The following ZNF385D variants were observed in gnomAD, a reference collection of about 807,000 sequenced individuals.
The protein encoded by ZNF385D is zinc finger protein 385D.
ZNF385D carries 15 observed loss-of-function variants against 35.8 expected under a neutral mutation model. That is an observed-to-expected ratio of 0.42 (90% CI 0.28 to 0.64). ZNF385D has a LOEUF of 0.64. ZNF385D is among the 30% of genes least tolerant of loss of function. ZNF385D has a pLI of 0.23. For missense variants in ZNF385D, 474 were observed against 494.6 expected (o/e 0.96, Z 0.39); for synonymous variants, 212 against 186.8 (o/e 1.13, Z -1.10).
chr3:21,773,033 G>T (rs1020629745), intron 3 of ZNF385D, among the ~76,000 whole-genome samples: 8 of 151,776 alleles, frequency 5.3e-5, no homozygotes, highest in African/African-American at 2.4e-5. Flanking sequence ...GTAGAATGGT[G>T]GTTGCTGGAG....
chr3:22,167,342 T>G (rs1191533228), intron 3 of ZNF385D, among the ~76,000 whole-genome samples: 1 of 152,142 alleles, frequency 6.6e-6, no homozygotes, highest in African/African-American at 2.4e-5. Flanking sequence ...ACTCTCCTAT[T>G]CTGAGCCCAT....
At chr3:21,445,336 G>C (rs1007443134) in intron 4 of ZNF385D, among the ~76,000 whole-genome samples, 5 of 152,190 alleles carry the variant, frequency 3.3e-5, no homozygotes, top group Non-Finnish European at 7.3e-5. Context: ...CTCTCCAGTG[G>C]TTACAAGACT....
At chr3:21,732,177 G>A (rs1467621458) in intron 1 of ZNF385D, among the ~76,000 whole-genome samples, 1 of 151,032 alleles carries the variant, frequency 6.6e-6, no homozygotes, top group Non-Finnish European at 1.5e-5. Context: ...AGCCTCCCGA[G>A]TAGCTGGGAT....
At chr3:21,972,245 T>C (rs1703303575) in intron 3 of ZNF385D, among the ~76,000 whole-genome samples, 1 of 151,984 alleles carries the variant, frequency 6.6e-6, no homozygotes, top group South Asian at 2.1e-4. Context: ...TTGTATCAAG[T>C]ATCTTCTTTG....
intron 3 of ZNF385D, among the ~76,000 whole-genome samples, chr3:21,871,917 A>C (rs184089867): frequency 9.1e-4 from 139 of 152,138 alleles, no homozygotes; most frequent in Non-Finnish European, 3.1e-4. Context: ...GAATCACTTG[A>C]ACCCAGGAGG....
chr3:21,698,438 C>T (rs754249746), intron 1 of ZNF385D, among the ~76,000 whole-genome samples: 1 of 151,916 alleles, frequency 6.6e-6, no homozygotes, highest in Non-Finnish European at 1.5e-5. Flanking sequence ...AGATAATAGA[C>T]CCTGGGGACT....
chr3:22,130,362 C>A (rs1357059036), intron 3 of ZNF385D, among the ~76,000 whole-genome samples: 1 of 152,132 alleles, frequency 6.6e-6, no homozygotes, highest in Non-Finnish European at 1.5e-5. Context: ...CAGCACCAGA[C>A]CTTCCCCAGG....
intron 1 of ZNF385D, among the ~76,000 whole-genome samples, chr3:21,699,675 A>G (rs2067600894): frequency 6.6e-6 from 1 of 152,010 alleles, no homozygotes; most frequent in Non-Finnish European, 1.5e-5. Flanking sequence ...TACATTGATA[A>G]TGTTGAAATA....
intron 3 of ZNF385D, among the ~76,000 whole-genome samples, chr3:21,781,283 A>G (rs2071479513): frequency 6.6e-6 from 1 of 151,758 alleles, no homozygotes; most frequent in African/African-American, 2.4e-5. Context: ...ATACATAGTC[A>G]GGAAGAGTAA....
chr3:22,200,719 C>G (rs1037713502), intron 2 of ZNF385D, among the ~76,000 whole-genome samples: 3 of 151,986 alleles, frequency 2.0e-5, no homozygotes, highest in African/African-American at 7.2e-5. Context: ...GTCTACAGGC[C>G]ATAAAAGATG....
intron 3 of ZNF385D, among the ~76,000 whole-genome samples, chr3:21,519,840 G>T (rs994733926): frequency 2.0e-5 from 3 of 152,154 alleles, no homozygotes; most frequent in Non-Finnish European, 4.4e-5. Context: ...GGCTCCATGT[G>T]TGACACACAC....
At chr3:21,827,649 T>G (rs1694727509) in intron 3 of ZNF385D, among the ~76,000 whole-genome samples, 1 of 152,204 alleles carries the variant, frequency 6.6e-6, no homozygotes, top group Non-Finnish European at 1.5e-5. Context: ...CATCTTACAT[T>G]AATATATTGG....
intron 3 of ZNF385D, among the ~76,000 whole-genome samples, chr3:21,782,688 T>G (rs189052769): frequency 8.1e-4 from 123 of 152,274 alleles, no homozygotes; most frequent in Admixed American, 1.6e-3. Flanking sequence ...TTTCTTAGGA[T>G]TATTTGGAGA....
intron 3 of ZNF385D, among the ~76,000 whole-genome samples, chr3:22,019,232 C>T (rs1158012652): frequency 2.6e-5 from 4 of 151,440 alleles, no homozygotes; most frequent in Non-Finnish European, 5.9e-5. Context: ...CAGAGAAAGG[C>T]ATTCTCACCT....
At chr3:21,658,834 T>A (rs1425520399) in intron 2 of ZNF385D, among the ~76,000 whole-genome samples, 2 of 152,088 alleles carry the variant, frequency 1.3e-5, no homozygotes, top group Admixed American at 6.6e-5. Flanking sequence ...ATTATAGTTC[T>A]TTATAGAATG....
intron 3 of ZNF385D, among the ~76,000 whole-genome samples, chr3:22,015,750 C>A (rs566613816): frequency 2.6e-5 from 4 of 152,090 alleles, no homozygotes; most frequent in African/African-American, 9.7e-5. Flanking sequence ...AGCATTACCT[C>A]TTCTAATTGC....
At chr3:22,099,392 T>C (rs1576317771) in intron 3 of ZNF385D, among the ~76,000 whole-genome samples, 2 of 152,082 alleles carry the variant, frequency 1.3e-5, no homozygotes, top group African/African-American at 2.4e-5. Flanking sequence ...AAATAATTTC[T>C]TAAAGTATGA....
At chr3:22,143,008 CAATAAT>C (rs943459492) in intron 3 of ZNF385D, among the ~76,000 whole-genome samples, 1 of 146,002 alleles carries the variant, frequency 6.8e-6, no homozygotes, top group Non-Finnish European at 1.5e-5. Flanking sequence ...TCATGAATGA[CAATAAT>C]AATAAAAAAA....
intron 1 of ZNF385D, among the ~76,000 whole-genome samples, chr3:21,724,750 C>T (rs2068690206): frequency 6.6e-6 from 1 of 152,002 alleles, no homozygotes. Context: ...TTTAACACCC[C>T]ACTGTCAATA....
Sources: allele counts gnomAD v4.1 joint callset (sites outside exome capture counted in the v4.1 genomes callset), GRCh38; gene constraint gnomAD v4.1.1; transcripts MANE v1.5; gene names NCBI Gene and HGNC (gene_info 2026-07-23, HGNC 2026-07-21).